CDK6: variants seen among roughly 807,000 people sequenced by gnomAD.
The protein encoded by CDK6 is cyclin-dependent kinase 6.
A neutral mutation model predicts 37.1 loss-of-function variants in CDK6; 6 were observed. The ratio of observed to expected loss-of-function variants is 0.16; its 90% CI spans 0.09 to 0.32. The LOEUF is 0.32. Among genes scored for constraint, CDK6 ranks in the 10% least tolerant of loss-of-function variants. The pLI is 1.00. For synonymous variants in CDK6, 160 were observed against 161.3 expected, an observed-to-expected ratio of 0.99 and a Z score of 0.06; for missense variants, 224 against 418.9, an observed-to-expected ratio of 0.53 and a Z score of 4.06.
At chr7:92,724,498 A>T (rs1385255862) in intron 4 of CDK6, among the ~76,000 whole-genome samples, 1 of 152,132 alleles carries the variant, frequency 6.6e-6, no homozygotes, top group Non-Finnish European at 1.5e-5. Flanking sequence ...GGGGGTGGGG[A>T]ACACTTTTAT....
rs759365180 is a variant in CDK6, at chr7:92,614,962, T to C, written c.*178A>G. The C allele has an allele frequency of 3.7e-5, 21 of 570,166 alleles. No individual in the cohort carries two copies. The highest frequency in any genetic ancestry group is 5.3e-5 in the Non-Finnish European group (17 of 321,874). The allele number at this position is 570,166 out of a possible 1,614,324, so 35.3% of individuals were successfully genotyped here. ...ACATAAAGCTGCAATCACTCTTGCA[T>C]TGATTTCAAAACAGTAAACTAGGCG... On this transcript the variant is annotated 3_prime_UTR_variant, in exon 8 of 8. Coordinates refer to ENST00000424848, the MANE Select transcript of CDK6 (RefSeq NM_001145306.2).
intron 5 of CDK6, among the ~76,000 whole-genome samples, chr7:92,630,376 G>T (rs1376538095): frequency 6.6e-6 from 1 of 151,804 alleles, no homozygotes; most frequent in African/African-American, 2.4e-5. Flanking sequence ...TTAAGGCTGG[G>T]AAAGAAATGA....
intron 3 of CDK6, among the ~76,000 whole-genome samples, chr7:92,726,833 G>GTTA (rs1798523355): frequency 6.6e-6 from 1 of 152,034 alleles, no homozygotes; most frequent in East Asian, 1.9e-4. Context: ...GTAAAATAAG[G>GTTA]CAAGCCATTT....
At position 92,658,365 on chromosome 7, in the gene CDK6, A is replaced by T. The variant is rs186687378; in HGVS notation, c.647+13061T>A. On this transcript the variant is annotated intron_variant, in intron 5 of 7. Transcript: ENST00000424848. ...GTATTTTTTGACCAAAAAACCCCTA[A>T]ATGTCCATCAAGAAGAAATTAAATT... 1.4e-3 allele frequency among the ~76,000 whole-genome samples: 212 copies of T among 152,336 alleles called. 1 individual carries two copies. Among genetic ancestry groups the T allele is most frequent in the African/African-American group, 4.6e-3 (193 of 41,582 alleles).
intron 4 of CDK6, among the ~76,000 whole-genome samples, chr7:92,709,400 G>A (rs1798036166): frequency 6.6e-6 from 1 of 151,768 alleles, no homozygotes; most frequent in Admixed American, 6.6e-5. Flanking sequence ...TCACTTGTAA[G>A]CCTGCCTCAA....
chr7:92,782,113 T>C (rs1421088437), intron 2 of CDK6, among the ~76,000 whole-genome samples: 2 of 152,244 alleles, frequency 1.3e-5, no homozygotes, highest in Admixed American at 1.3e-4. Context: ...GCAGGCACTA[T>C]ACTCAGTTTT....
Position 92,725,808 on chromosome 7 carries a change from AAAAG to A in CDK6, c.370-19_370-16del. 2 of 1,601,726 alleles carry A rather than the reference AAAAG, an allele frequency of 1.2e-6. No individual in the cohort carries two copies. The highest frequency in any genetic ancestry group is 1.3e-5 in the African/African-American group (1 of 74,214). On this transcript the variant is annotated splice_polypyrimidine_tract_variant and intron_variant, in intron 3 of 7. Coordinates refer to ENST00000424848, the MANE Select transcript of CDK6 (RefSeq NM_001145306.2). Reference sequence around the variant, plus strand: ...AACATCATATCCTAATAAAATTAAAAAAAGAAAATCAGTAAACACTCAAAACGGA... The same window carrying A: ...AACATCATATCCTAATAAAATTAAAAAAAATCAGTAAACACTCAAAACGGA...
chr7:92,674,553 T>G (rs998664115), intron 4 of CDK6, among the ~76,000 whole-genome samples: 1 of 152,226 alleles, frequency 6.6e-6, no homozygotes, highest in Non-Finnish European at 1.5e-5. Context: ...AAGAAGAGTG[T>G]CCAATACTGG....
In CDK6 at chr7:92,741,637, T is replaced by A. The variant is rs1798928270; in HGVS notation, c.370-15844A>T. On this transcript the variant is annotated intron_variant, in intron 3 of 7. Transcript: ENST00000424848. ...ACCAGTTAAAATTATACATATATAT[T>A]AATGTTTCTTTTAATCAACCCTACT... Among the ~76,000 whole-genome samples the A allele has an allele frequency of 1.3e-5, 2 of 152,156 alleles. 1 individual carries two copies. Among genetic ancestry groups the A allele is most frequent in the South Asian group, 4.1e-4 (2 of 4,834 alleles).
At chr7:92,692,612 T>C (rs1428593253) in intron 4 of CDK6, among the ~76,000 whole-genome samples, 2 of 152,016 alleles carry the variant, frequency 1.3e-5, no homozygotes, top group Non-Finnish European at 2.9e-5. Context: ...GGCAAAACCC[T>C]GCCTCTACTA....
intron 2 of CDK6, among the ~76,000 whole-genome samples, chr7:92,813,837 A>G (rs1800951891): frequency 6.6e-6 from 1 of 152,196 alleles, no homozygotes; most frequent in African/African-American, 2.4e-5. Flanking sequence ...CCTCCCAACC[A>G]AAGTTTCTCA....
intron 2 of CDK6, among the ~76,000 whole-genome samples, chr7:92,780,856 A>G (rs1419724397): frequency 6.6e-6 from 1 of 152,084 alleles, no homozygotes; most frequent in Non-Finnish European, 1.5e-5. Flanking sequence ...CTACAACTGC[A>G]TGATTCCTTA....
intron 2 of CDK6, among the ~76,000 whole-genome samples, chr7:92,815,455 T>C (rs1461409969): frequency 6.6e-6 from 1 of 152,182 alleles, no homozygotes; most frequent in Non-Finnish European, 1.5e-5. Context: ...TCCAGACTTC[T>C]TACCTGCCAG....
At chr7:92,659,661 A>G (rs1796794145) in intron 5 of CDK6, among the ~76,000 whole-genome samples, 1 of 151,994 alleles carries the variant, frequency 6.6e-6, no homozygotes, top group Admixed American at 6.6e-5. Context: ...TTTTGAATTC[A>G]TAATAAGGAA....
At chr7:92,782,595 T>C (rs1178224504) in intron 2 of CDK6, among the ~76,000 whole-genome samples, 3 of 152,210 alleles carry the variant, frequency 2.0e-5, no homozygotes, top group Non-Finnish European at 4.4e-5. Flanking sequence ...CAGCTACTGA[T>C]GGCTGTCTTT....
At chr7:92,794,567 GCTCT>G (rs2115871247) in intron 2 of CDK6, among the ~76,000 whole-genome samples, 1 of 152,200 alleles carries the variant, frequency 6.6e-6, no homozygotes, top group East Asian at 1.9e-4. Flanking sequence ...TGCCTAGAAA[GCTCT>G]CTTTTTCTCT....
At position 92,612,990 on chromosome 7, in the gene CDK6, A is replaced by G. The variant is rs1201158374; in HGVS notation, c.*2150T>C. The G allele has an allele frequency of 3.0e-5, 7 of 232,998 alleles. No individual in the cohort carries two copies. The highest frequency in any genetic ancestry group is 4.4e-5 in the African/African-American group (2 of 45,350). The allele number at this position is 232,998 out of a possible 1,614,324, so 14.4% of individuals were successfully genotyped here. The stretch of plus-strand genomic sequence containing the variant: ...AGACTTTGAGTAGACCTGACCTTGA[A>G]TGCTGTGGATTCATTATATCTCAAG... On this transcript the variant is annotated 3_prime_UTR_variant, in exon 8 of 8. Coordinates refer to ENST00000424848, the MANE Select transcript of CDK6 (RefSeq NM_001145306.2).
intron 3 of CDK6, among the ~76,000 whole-genome samples, chr7:92,772,775 C>T (rs1290733733): frequency 1.3e-5 from 2 of 152,036 alleles, no homozygotes; most frequent in African/African-American, 2.4e-5. Context: ...CTGATCAAAC[C>T]TGAGTCTAGT....
chr7:92,724,577 C>T (rs1657693791), intron 4 of CDK6, among the ~76,000 whole-genome samples: 1 of 152,122 alleles, frequency 6.6e-6, no homozygotes, highest in African/African-American at 2.4e-5. Flanking sequence ...TGAATTTCTA[C>T]TTATCAGCTG....
Sources: allele counts gnomAD v4.1 joint callset (sites outside exome capture counted in the v4.1 genomes callset), GRCh38; gene constraint gnomAD v4.1.1; transcripts MANE v1.5; gene names NCBI Gene and HGNC (gene_info 2026-07-23, HGNC 2026-07-21).